ANO10: variants seen among roughly 807,000 people sequenced by gnomAD.
ANO10 encodes anoctamin 10.
In ANO10, 77 loss-of-function variants were observed where a neutral mutation model predicts 74.7. The observed-to-expected ratio is 1.03, with a 90% CI of 0.86 to 1.25. The LOEUF (loss-of-function observed/expected upper bound fraction) is 1.25. ANO10 is among the 50% of genes most tolerant of loss of function. The probability of loss-of-function intolerance (pLI) is 0.00; values close to 1 mark genes in which losing one functional copy is unlikely to be tolerated. For missense variants in ANO10, 721 were observed against 778.1 expected, an observed-to-expected ratio of 0.93 and a Z score of 0.87; for synonymous variants, 279 against 284.9, an observed-to-expected ratio of 0.98 and a Z score of 0.21.
At chr3:43,381,395 C>T (rs1315667061) in intron 12 of ANO10, among the ~76,000 whole-genome samples, 1 of 151,948 alleles carries the variant, frequency 6.6e-6, no homozygotes, top group Non-Finnish European at 1.5e-5. Flanking sequence ...AAAATGGACA[C>T]CAAAAGCAAG....
intron 2 of ANO10, 145 bp downstream of exon 2, chr3:43,605,569 T>A (rs1323719269): frequency 4.4e-6 from 5 of 1,128,224 alleles, no homozygotes; most frequent in Non-Finnish European, 6.3e-6. Flanking sequence ...AGGCAAAAAA[T>A]TTAACATTAG....
chr3:43,410,816 G>T lies in ANO10; in HGVS notation c.1914+21795C>A, dbSNP rs192253116. 7.2e-5 allele frequency among the ~76,000 whole-genome samples: 11 copies of T among 152,136 alleles called. No homozygotes were observed. In the East Asian group the frequency reaches 2.1e-3, roughly 29 times the overall value. On this transcript the variant is annotated intron_variant, in intron 12 of 12. Coordinates refer to ENST00000292246, the MANE Select transcript of ANO10 (RefSeq NM_018075.5). ...TAGCTCAAGGCATTTAGTTGCATGAGAAAATACACTTTGAATACAGTGCAG... is the reference window on the plus strand; with the variant it reads ...TAGCTCAAGGCATTTAGTTGCATGATAAAATACACTTTGAATACAGTGCAG...
intron 1 of ANO10, among the ~76,000 whole-genome samples, chr3:43,670,308 A>C (rs1285536433): frequency 2.7e-5 from 4 of 149,020 alleles, no homozygotes; most frequent in Non-Finnish European, 5.9e-5. Flanking sequence ...GCTGGGTGAC[A>C]GAGCAAGACC....
chr3:43,452,129 T>G (rs1357916600), intron 11 of ANO10, among the ~76,000 whole-genome samples: 1 of 152,206 alleles, frequency 6.6e-6, no homozygotes, highest in Non-Finnish European at 1.5e-5. Context: ...CTAAAAGAAT[T>G]AGAACACTCT....
intron 1 of ANO10, among the ~76,000 whole-genome samples, chr3:43,645,498 A>C (rs2083717512): frequency 6.6e-6 from 1 of 152,096 alleles, no homozygotes; most frequent in Admixed American, 6.5e-5. Flanking sequence ...AAAAAAAAAA[A>C]AAAAAAATTT....
At chr3:43,488,337 A>G (rs900882081) in intron 11 of ANO10, among the ~76,000 whole-genome samples, 1 of 150,870 alleles carries the variant, frequency 6.6e-6, no homozygotes, top group Admixed American at 6.6e-5. Context: ...ATTAAACTAA[A>G]GAGCTTCTGC....
At chr3:43,610,618 A>G (rs532110961) in intron 1 of ANO10, among the ~76,000 whole-genome samples, 1 of 152,326 alleles carries the variant, frequency 6.6e-6, no homozygotes, top group African/African-American at 2.4e-5. Flanking sequence ...TGGAACCAAC[A>G]TATATGCAGT....
In ANO10 at chr3:43,366,828, G is replaced by T; in HGVS notation, c.*78C>A. The T allele has an allele frequency of 6.9e-7, 1 of 1,444,048 alleles. No homozygotes were observed. Among genetic ancestry groups the T allele is most frequent in the Non-Finnish European group, 9.5e-7 (1 of 1,051,078 alleles). The allele number at this position is 1,444,048 out of a possible 1,614,324, so 89.5% of individuals were successfully genotyped here. A position where few individuals can be genotyped will look rare whatever the true frequency, so the allele number is the denominator to read the frequency against. On this transcript the variant is annotated 3_prime_UTR_variant, in exon 13 of 13. Coordinates refer to ENST00000292246, the MANE Select transcript of ANO10 (RefSeq NM_018075.5). ...GTTCAGGAGCCACGATGCTGCCCCG[G>T]GTACCCCCCCTGCCACCGTGGCAGG...
Position 43,565,652 on chromosome 3 carries a change from C to T in ANO10, c.1293+1G>A. ...GGTATTTTTCTGTTATTTTTACTTA[C>T]CTGGCGCAAAAGCTTCATATCTTTC... On this transcript the variant is annotated splice_donor_variant, in intron 8 of 12. Transcript: ENST00000292246. LOFTEE classifies it high-confidence loss of function. The T allele has an allele frequency of 1.9e-6, 3 of 1,574,510 alleles. No individual in the cohort carries two copies. Among genetic ancestry groups the T allele is most frequent in the East Asian group, 2.3e-5 (1 of 43,074 alleles).
intron 11 of ANO10, among the ~76,000 whole-genome samples, chr3:43,489,161 G>A (rs1348549060): frequency 1.5e-5 from 2 of 132,794 alleles, no homozygotes; most frequent in Non-Finnish European, 3.1e-5. Flanking sequence ...CACACTCTGG[G>A]GACTGTTGTG....
intron 1 of ANO10, among the ~76,000 whole-genome samples, chr3:43,662,763 C>A (rs760138027): frequency 9.9e-5 from 15 of 152,054 alleles, no homozygotes; most frequent in Non-Finnish European, 1.8e-4. Flanking sequence ...ACTATAGACA[C>A]CTCTGCGCAA....
chr3:43,368,836 T>C (rs1028451800), intron 12 of ANO10, among the ~76,000 whole-genome samples: 47 of 152,178 alleles, frequency 3.1e-4, no homozygotes, highest in African/African-American at 1.0e-3. Flanking sequence ...CATGAGCCAC[T>C]GTGTGCGGTA....
intron 1 of ANO10, among the ~76,000 whole-genome samples, chr3:43,685,827 A>T (rs2084267644): frequency 6.6e-6 from 1 of 152,174 alleles, no homozygotes; most frequent in Admixed American, 6.5e-5. Flanking sequence ...AAATATATTG[A>T]AGATATTAAA....
intron 11 of ANO10, among the ~76,000 whole-genome samples, chr3:43,483,065 G>A (rs1348863142): frequency 6.6e-6 from 1 of 152,218 alleles, no homozygotes; most frequent in African/African-American, 2.4e-5. Flanking sequence ...AAGAATTAAT[G>A]ATATCTTCTC....
At chr3:43,369,291 G>A (rs1220069606) in intron 12 of ANO10, among the ~76,000 whole-genome samples, 1 of 152,242 alleles carries the variant, frequency 6.6e-6, no homozygotes, top group African/African-American at 2.4e-5. Context: ...TGCAGTGCCT[G>A]CCTTGCTCAG....
intron 4 of ANO10, among the ~76,000 whole-genome samples, chr3:43,587,097 G>A (rs980539892): frequency 2.0e-5 from 3 of 151,988 alleles, no homozygotes; most frequent in African/African-American, 7.3e-5. Context: ...AGAACATTAT[G>A]TCCAACCAAA....
intron 6 of ANO10, among the ~76,000 whole-genome samples, chr3:43,575,642 C>CT (rs869240600): frequency 8.9e-4 from 131 of 147,014 alleles, no homozygotes; most frequent in Middle Eastern, 3.5e-3. Flanking sequence ...TTTAAATCAT[C>CT]TTTTTTTTTT....
chr3:43,627,638 G>A (rs148742073), intron 1 of ANO10, among the ~76,000 whole-genome samples: 35 of 152,326 alleles, frequency 2.3e-4, no homozygotes, highest in Middle Eastern at 3.4e-3. Flanking sequence ...TACCAAGATA[G>A]TGCATCTAAC....
At chr3:43,613,412 A>C (rs998022025) in intron 1 of ANO10, among the ~76,000 whole-genome samples, 23 of 152,198 alleles carry the variant, frequency 1.5e-4, no homozygotes, top group African/African-American at 5.3e-4. Context: ...GTGAAGCAAG[A>C]ATAAAGACAG....
Sources: allele counts gnomAD v4.1 joint callset (sites outside exome capture counted in the v4.1 genomes callset), GRCh38; gene constraint gnomAD v4.1.1; transcripts MANE v1.5; gene names NCBI Gene and HGNC (gene_info 2026-07-23, HGNC 2026-07-21).